COL15A1: variants seen among roughly 807,000 people sequenced by gnomAD.
COL15A1 encodes collagen alpha-1(XV) chain.
A neutral mutation model predicts 165.9 loss-of-function variants in COL15A1; 111 were observed. The observed-to-expected ratio is 0.67, with a 90% CI of 0.57 to 0.78. The LOEUF (loss-of-function observed/expected upper bound fraction) is 0.78, where lower values mean the gene tolerates loss of function less well. Ranked by LOEUF, COL15A1 falls within the 30% of genes least tolerant of loss-of-function variation. The pLI is 0.00. For synonymous variants in COL15A1, 659 were observed against 674.8 expected, an observed-to-expected ratio of 0.98 and a Z score of 0.36; for missense variants, 1,745 against 1,789.7, an observed-to-expected ratio of 0.98 and a Z score of 0.45.
Position 99,069,244 on chromosome 9 carries a change from A to G in COL15A1, c.3954-429A>G, listed in dbSNP as rs576961669. ...ACACACACTAACTGTGACTCTAGAC[A>G]GAATATTGTAATTGTAAGTGGAGAA... On this transcript the variant is annotated intron_variant, in intron 41 of 41. Transcript: ENST00000375001. 7.7e-4 allele frequency among the ~76,000 whole-genome samples: 108 copies of G among 140,302 alleles called. No homozygotes were observed. In the South Asian group the frequency reaches 0.013, roughly 17 times the overall value. 92.0% of individuals were successfully genotyped at this position (140,302 alleles called of 152,430 possible).
At chr9:98,977,883 G>A (rs1838166737) in intron 2 of COL15A1, among the ~76,000 whole-genome samples, 1 of 152,250 alleles carries the variant, frequency 6.6e-6, no homozygotes, top group African/African-American at 2.4e-5. Flanking sequence ...AAGGCTTTGT[G>A]TTTGGTAAAG....
rs114586699 is a variant in COL15A1, at chr9:98,993,443, C to T, written c.805-3491C>T. ...TTAAGGGGATTGCCCTGGGCTGTGC[C>T]TCGAGGCCTGATGGTCCTGACCTTA... is the stretch of plus-strand genomic sequence containing the variant. On this transcript the variant is annotated intron_variant, in intron 5 of 41. Coordinates refer to ENST00000375001, the MANE Select transcript of COL15A1 (RefSeq NM_001855.5). Among the ~76,000 whole-genome samples the T allele has an allele frequency of 3.9e-3, 587 of 152,292 alleles. 5 individuals are homozygous for T. Among genetic ancestry groups the T allele is most frequent in the African/African-American group, 0.014 (572 of 41,552 alleles).
rs1420679022 is a variant in COL15A1, at chr9:99,047,982, T to A, written c.2775T>A (p.Asp925Glu). 1 of 1,589,888 alleles carries A rather than the reference T, an allele frequency of 6.3e-7. No homozygotes were observed. The highest frequency in any genetic ancestry group is 8.6e-7 in the Non-Finnish European group (1 of 1,163,996). ...ATGGCCTCAAGGGTACCAAAGGAGA[T>A]CCAGGGGTCATTATGCAGGTGAGTC... Reference protein sequence around the residue: ...GLNGLKGTKGDPGVIMQGPPG... With the variant: ...GLNGLKGTKGEPGVIMQGPPG... The change falls in exon 28 of 42, where the codon GAT becomes GAA. Residue 925 changes from aspartate to glutamate, a missense_variant. By Grantham distance (45) the Asp-to-Glu change is conservative (BLOSUM62 2). Transcript: ENST00000375001.
intron 2 of COL15A1, among the ~76,000 whole-genome samples, chr9:98,956,045 C>G (rs1197625556): frequency 6.6e-6 from 1 of 152,194 alleles, no homozygotes; most frequent in Non-Finnish European, 1.5e-5. Flanking sequence ...GTGGCTCATG[C>G]CTATAATCCC....
rs777101028 is a variant in COL15A1, at chr9:98,985,755, G to A, written c.291G>A (p.Val97=). The A allele has an allele frequency of 1.1e-5, 18 of 1,614,166 alleles. 1 individual carries two copies. The highest frequency in any genetic ancestry group is 3.3e-5 in the South Asian group (3 of 91,088). Residue 97 remains valine (V), a synonymous_variant, in exon 3 of 42, where the codon GTG becomes GTA. Transcript: ENST00000375001. ...FFRDFAISVV[V]KPSSTRGGVL... ...GGGACTTCGCCATCAGCGTCGTGGT[G>A]AAGCCCAGCAGCACCCGTGGTGGCG...
chr9:98,962,672 A>G (rs1837882915), intron 2 of COL15A1, among the ~76,000 whole-genome samples: 1 of 152,204 alleles, frequency 6.6e-6, no homozygotes, highest in Non-Finnish European at 1.5e-5. Flanking sequence ...TTTAGCAGAG[A>G]TGATGTTATA....
chr9:99,003,484 A>C lies in COL15A1; in HGVS notation c.1097A>C (p.Glu366Ala). Residue 366 changes from glutamate (E) to alanine (A), a missense_variant, in exon 8 of 42, where the codon GAG (glutamate) becomes GCG (alanine). Glu to Ala is a moderately radical substitution (Grantham distance 107, BLOSUM62 -1). Coordinates refer to ENST00000375001, the MANE Select transcript of COL15A1 (RefSeq NM_001855.5). Reference protein sequence around the residue: ...NLAATAAGLAEVPISTAGEAE... With the variant: ...NLAATAAGLAAVPISTAGEAE... The stretch of plus-strand genomic sequence containing the variant: ...GCAGCAACAGCAGCGGGGCTGGCCG[A>C]GGTGCCCATCAGCACTGCTGGAGAA... The C allele has an allele frequency of 1.3e-6, 2 of 1,543,388 alleles. No individual in the cohort carries two copies.
chr9:99,064,607 G>A (rs1825866472), intron 39 of COL15A1, among the ~76,000 whole-genome samples: 1 of 152,192 alleles, frequency 6.6e-6, no homozygotes, highest in Non-Finnish European at 1.5e-5. Flanking sequence ...AAAAGGAACT[G>A]ATGGGAGAAA....
intron 24 of COL15A1, among the ~76,000 whole-genome samples, chr9:99,043,540 C>T (rs1464470126): frequency 1.3e-5 from 2 of 152,174 alleles, no homozygotes; most frequent in African/African-American, 4.8e-5. Flanking sequence ...TGCTTTCTCT[C>T]ACTCTGCCTC....
chr9:99,036,801 C>T (rs1839309685), intron 21 of COL15A1, among the ~76,000 whole-genome samples: 1 of 152,224 alleles, frequency 6.6e-6, no homozygotes, highest in Non-Finnish European at 1.5e-5. Context: ...GGCCTTCACC[C>T]AGTGGGAGAG....
rs910192536 is a variant in COL15A1 at position 99,056,489 on chromosome 9, G to C, written c.3337+85G>C. The C allele has an allele frequency of 2.7e-6, 4 of 1,495,458 alleles. No homozygotes were observed. In the African/African-American group the frequency reaches 4.2e-5, roughly 16 times the overall value. 92.6% of individuals were successfully genotyped at this position (1,495,458 alleles called of 1,614,324 possible). A position where few individuals can be genotyped will look rare whatever the true frequency, so the allele number is the denominator to read the frequency against. On this transcript the variant is annotated intron_variant, in intron 35 of 41. Transcript: ENST00000375001. ...AGCATCTGGGTGGCTTGTCACAGCTGCACTGCCTAACAGAGGGCTTTCCTG... is the reference window on the plus strand; with the variant it reads ...AGCATCTGGGTGGCTTGTCACAGCTCCACTGCCTAACAGAGGGCTTTCCTG...
chr9:99,013,329 C>T (rs200093079), intron 9 of COL15A1, among the ~76,000 whole-genome samples: 1 of 152,166 alleles, frequency 6.6e-6, no homozygotes, highest in Non-Finnish European at 1.5e-5. Context: ...TCCAGTCACC[C>T]AGGGGCACCT....
intron 2 of COL15A1, among the ~76,000 whole-genome samples, chr9:98,968,219 C>T (rs1218463200): frequency 6.6e-6 from 1 of 152,252 alleles, no homozygotes; most frequent in Non-Finnish European, 1.5e-5. Context: ...AGGCAACTCA[C>T]TTGCAATCGT....
intron 22 of COL15A1, among the ~76,000 whole-genome samples, chr9:99,039,651 C>T (rs1839366528): frequency 6.6e-6 from 1 of 152,236 alleles, no homozygotes. Flanking sequence ...CCAGCATCTG[C>T]TGGTCAGCAC....
At chr9:98,958,348 G>T (rs1242180343) in intron 2 of COL15A1, among the ~76,000 whole-genome samples, 1 of 152,188 alleles carries the variant, frequency 6.6e-6, no homozygotes, top group Admixed American at 6.5e-5. Context: ...GCTCAGCCCT[G>T]TTCATCTCAC....
intron 2 of COL15A1, among the ~76,000 whole-genome samples, chr9:98,944,709 G>C (rs758985682): frequency 3.9e-5 from 6 of 152,236 alleles, no homozygotes; most frequent in Non-Finnish European, 8.8e-5. Flanking sequence ...AGAAATAACG[G>C]AACTGAATTG....
rs1825952421 is a variant in COL15A1, at chr9:99,069,676, C to T, written c.3957C>T (p.Pro1319=). The change falls in exon 42 of 42, where the codon CCC becomes CCT. Residue 1319 remains proline (P), a synonymous_variant. Coordinates refer to ENST00000375001, the MANE Select transcript of COL15A1 (RefSeq NM_001855.5). The stretch of plus-strand genomic sequence containing the variant: ...ACATGACAAAATTACTTTATAGGCC[C>T]CAGAAAGTCATTTGGCATGGCTCCA... ...GRDIMTDPSW[P]QKVIWHGSSP... 3.1e-6 allele frequency: 5 copies of T among 1,597,104 alleles called. No individual in the cohort carries two copies. In the East Asian group the frequency reaches 6.8e-5, roughly 22 times the overall value.
chr9:99,007,608 C>T (rs1364088520), intron 9 of COL15A1, among the ~76,000 whole-genome samples: 2 of 151,890 alleles, frequency 1.3e-5, no homozygotes, highest in Non-Finnish European at 2.9e-5. Flanking sequence ...AGAAAAACAA[C>T]AAATAAAAAA....
chr9:99,014,096 T>G (rs1838890839), intron 9 of COL15A1, among the ~76,000 whole-genome samples: 1 of 152,044 alleles, frequency 6.6e-6, no homozygotes, highest in Non-Finnish European at 1.5e-5. Flanking sequence ...TCAAATCTGA[T>G]GGGAGAAAGA....
Sources: allele counts gnomAD v4.1 joint callset (sites outside exome capture counted in the v4.1 genomes callset), GRCh38; gene constraint gnomAD v4.1.1; transcripts MANE v1.5; gene names NCBI Gene and HGNC (gene_info 2026-07-23, HGNC 2026-07-21).